EPHA5: variants seen among roughly 807,000 people sequenced by gnomAD.
EPHA5 encodes EPH receptor A5, also known as ephrin type-A receptor 5.
A neutral mutation model predicts 105.0 loss-of-function variants in EPHA5; 60 were observed. That is an observed-to-expected ratio of 0.57 (90% CI 0.46 to 0.71). The LOEUF is 0.71. Ranked by LOEUF, EPHA5 falls within the 30% of genes least tolerant of loss-of-function variation. The probability of loss-of-function intolerance (pLI) is 0.00; values close to 1 mark genes in which losing one functional copy is unlikely to be tolerated. For missense variants in EPHA5, 1,218 were observed against 1,274.7 expected, an observed-to-expected ratio of 0.96 and a Z score of 0.68; for synonymous variants, 513 against 449.1, an observed-to-expected ratio of 1.14 and a Z score of -1.80.
At chr4:65,632,038 C>T (rs1333015564) in intron 2 of EPHA5, among the ~76,000 whole-genome samples, 1 of 152,016 alleles carries the variant, frequency 6.6e-6, no homozygotes, top group Non-Finnish European at 1.5e-5. Context: ...TTGTGCTAAA[C>T]ACTGCATCAC....
intron 6 of EPHA5, 99 bp downstream of exon 6, chr4:65,420,342 C>T (rs1723820276): frequency 8.5e-7 from 1 of 1,172,030 alleles, no homozygotes; most frequent in Non-Finnish European, 1.2e-6. Context: ...TTGATTTACA[C>T]ATAAAATTGC....
chr4:65,407,688 T>G (rs1045383551), intron 7 of EPHA5, among the ~76,000 whole-genome samples: 2 of 150,758 alleles, frequency 1.3e-5, no homozygotes, highest in Admixed American at 1.3e-4. Context: ...TTAATTTAAT[T>G]TATTTATATA....
intron 3 of EPHA5, among the ~76,000 whole-genome samples, chr4:65,543,633 AATGGTC>A (rs1737071511): frequency 1.3e-5 from 2 of 152,052 alleles, no homozygotes; most frequent in Admixed American, 1.3e-4. Flanking sequence ...ATATCACGAA[AATGGTC>A]ATACTGCCCA....
chr4:65,431,278 T>C (rs1324206041), intron 5 of EPHA5, among the ~76,000 whole-genome samples: 2 of 152,160 alleles, frequency 1.3e-5, no homozygotes, highest in Non-Finnish European at 2.9e-5. Context: ...ATGTAAACAC[T>C]TTGAGGCAAA....
chr4:65,438,533 A>G (rs1252159670), intron 5 of EPHA5, among the ~76,000 whole-genome samples: 1 of 152,024 alleles, frequency 6.6e-6, no homozygotes, highest in East Asian at 1.9e-4. Flanking sequence ...AGAAGGCTAT[A>G]GAGACACAAA....
intron 3 of EPHA5, chr4:65,573,378 T>C (rs1426978730): frequency 7.1e-6 from 6 of 841,236 alleles, no homozygotes; most frequent in Admixed American, 3.7e-5. Flanking sequence ...GCCACTGCAC[T>C]CCAGCCTGGG....
At chr4:65,510,216 T>G (rs2149258934) in intron 3 of EPHA5, among the ~76,000 whole-genome samples, 1 of 151,486 alleles carries the variant, frequency 6.6e-6, no homozygotes, top group East Asian at 1.9e-4. Context: ...GTGTTTTTTT[T>G]TTTTTTTTAG....
chr4:65,333,272 A>G (rs545909621), intron 15 of EPHA5, among the ~76,000 whole-genome samples: 2 of 151,776 alleles, frequency 1.3e-5, no homozygotes, highest in East Asian at 3.9e-4. Flanking sequence ...CTTTCTCTCT[A>G]CTCAGGTTCT....
At chr4:65,476,843 T>C (rs1729868383) in intron 5 of EPHA5, among the ~76,000 whole-genome samples, 1 of 152,162 alleles carries the variant, frequency 6.6e-6, no homozygotes, top group Non-Finnish European at 1.5e-5. Context: ...TCTGAACCTA[T>C]CTATTAATTA....
intron 8 of EPHA5, chr4:65,376,965 C>T (rs1450217308): frequency 6.4e-7 from 1 of 1,574,312 alleles, no homozygotes; most frequent in Non-Finnish European, 8.6e-7. Flanking sequence ...AGGTGGACAT[C>T]ACATAGGAGT....
At chr4:65,458,934 ATCTT>A (rs1251509139) in intron 5 of EPHA5, among the ~76,000 whole-genome samples, 2 of 152,106 alleles carry the variant, frequency 1.3e-5, no homozygotes, top group Non-Finnish European at 2.9e-5. Flanking sequence ...AAATCAAAAT[ATCTT>A]TCTCTTTTAT....
chr4:65,527,898 T>G (rs931067325), intron 3 of EPHA5, among the ~76,000 whole-genome samples: 2 of 152,024 alleles, frequency 1.3e-5, no homozygotes, highest in African/African-American at 4.8e-5. Flanking sequence ...ACGTGTCCGT[T>G]TGTTCTCATC....
At chr4:65,529,036 T>TA (rs960313566) in intron 3 of EPHA5, among the ~76,000 whole-genome samples, 1 of 152,156 alleles carries the variant, frequency 6.6e-6, no homozygotes, top group African/African-American at 2.4e-5. Flanking sequence ...TTAGAGTGTT[T>TA]AAAAACTATG....
intron 8 of EPHA5, among the ~76,000 whole-genome samples, chr4:65,390,545 G>A (rs1335557042): frequency 6.6e-6 from 1 of 151,836 alleles, no homozygotes; most frequent in Non-Finnish European, 1.5e-5. Flanking sequence ...TTCTTCCTGT[G>A]GTCATACCTT....
At chr4:65,551,077 C>T (rs1180018607) in intron 3 of EPHA5, among the ~76,000 whole-genome samples, 2 of 151,352 alleles carry the variant, frequency 1.3e-5, no homozygotes, top group South Asian at 2.1e-4. Flanking sequence ...CATATACACA[C>T]GTATGTATAT....
intron 8 of EPHA5, among the ~76,000 whole-genome samples, chr4:65,378,561 A>C (rs1012330670): frequency 2.6e-5 from 4 of 151,910 alleles, no homozygotes; most frequent in African/African-American, 9.7e-5. Context: ...AATCCAGTTC[A>C]CTACTTGTTT....
intron 3 of EPHA5, among the ~76,000 whole-genome samples, chr4:65,530,828 C>G (rs978752465): frequency 4.6e-5 from 7 of 152,158 alleles, no homozygotes; most frequent in African/African-American, 1.7e-4. Flanking sequence ...TGCTTAGGAA[C>G]AGAATCTCTA....
intron 1 of EPHA5, among the ~76,000 whole-genome samples, chr4:65,667,062 A>G (rs1200652113): frequency 6.6e-6 from 1 of 152,208 alleles, no homozygotes; most frequent in African/African-American, 2.4e-5. Flanking sequence ...AGAAAAAGTG[A>G]TTAATGAGTT....
intron 8 of EPHA5, among the ~76,000 whole-genome samples, chr4:65,400,033 T>A (rs1721659207): frequency 6.6e-6 from 1 of 152,118 alleles, no homozygotes; most frequent in African/African-American, 2.4e-5. Flanking sequence ...AAAAAGTCAA[T>A]TTTATATCAA....
Sources: allele counts gnomAD v4.1 joint callset (sites outside exome capture counted in the v4.1 genomes callset), GRCh38; gene constraint gnomAD v4.1.1; transcripts MANE v1.5; gene names NCBI Gene and HGNC (gene_info 2026-07-23, HGNC 2026-07-21).